TBX15: variants seen among roughly 807,000 people sequenced by gnomAD.
TBX15 encodes T-box transcription factor TBX15.
A neutral mutation model predicts 53.9 loss-of-function variants in TBX15; 18 were observed. The observed-to-expected ratio is 0.33, with a 90% CI of 0.23 to 0.49. The LOEUF (loss-of-function observed/expected upper bound fraction) is 0.49, where lower values mean the gene tolerates loss of function less well. Ranked by LOEUF, TBX15 falls within the 20% of genes least tolerant of loss-of-function variation. The probability of loss-of-function intolerance (pLI) is 0.98; values close to 1 mark genes in which losing one functional copy is unlikely to be tolerated. For synonymous variants in TBX15, 295 were observed against 278.0 expected (o/e 1.06, Z -0.61); for missense variants, 692 against 749.5 (o/e 0.92, Z 0.90).
chr1:118,893,629 A>AGG (rs1557873098), intron 7 of TBX15, among the ~76,000 whole-genome samples: 2 of 148,846 alleles, frequency 1.3e-5, no homozygotes, highest in African/African-American at 5.2e-5. Flanking sequence ...GAGAGAAAGA[A>AGG]AAAGAAAGAA....
In TBX15 at chr1:118,939,407, C is replaced by CAAAAAAAAAAAAAAAAAAAAAAAAAAAAA. The variant is rs869094141; in HGVS notation, c.206-7604_206-7576dup. ...AGGGCAACAGAATGAGATCTAGTCT[C>CAAAAAAAAAAAAAAAAAAAAAAAAAAAAA]AAAAAAAAAAAAAAAAAAAAAAAAA... is the stretch of plus-strand genomic sequence containing the variant. On this transcript the variant is annotated intron_variant, in intron 1 of 7. Coordinates refer to ENST00000369429, the MANE Select transcript of TBX15 (RefSeq NM_001330677.2). Among the ~76,000 whole-genome samples, 4 of 8,884 alleles carry CAAAAAAAAAAAAAAAAAAAAAAAAAAAAA rather than the reference C, an allele frequency of 4.5e-4. 1 individual carries two copies. Among genetic ancestry groups the CAAAAAAAAAAAAAAAAAAAAAAAAAAAAA allele is most frequent in the Non-Finnish European group, 6.2e-4 (3 of 4,838 alleles). 5.8% of individuals were successfully genotyped at this position (8,884 alleles called of 152,430 possible).
At chr1:118,959,764 G>A (rs914363096) in intron 1 of TBX15, among the ~76,000 whole-genome samples, 31 of 152,180 alleles carry the variant, frequency 2.0e-4, no homozygotes, top group African/African-American at 5.1e-4. Flanking sequence ...ATCTGACTTC[G>A]AAATCAGAAT....
At chr1:118,935,514 G>A (rs1655941358) in intron 1 of TBX15, among the ~76,000 whole-genome samples, 1 of 152,064 alleles carries the variant, frequency 6.6e-6, no homozygotes, top group African/African-American at 2.4e-5. Context: ...AGTAAATCAG[G>A]AACATAAAAT....
intron 1 of TBX15, among the ~76,000 whole-genome samples, chr1:118,977,221 A>G (rs1657463169): frequency 6.6e-6 from 1 of 152,208 alleles, no homozygotes; most frequent in Non-Finnish European, 1.5e-5. Flanking sequence ...TCATTGCACC[A>G]AATAGAAATG....
At chr1:118,964,913 T>G (rs1473450439) in intron 1 of TBX15, among the ~76,000 whole-genome samples, 1 of 152,238 alleles carries the variant, frequency 6.6e-6, no homozygotes, top group Non-Finnish European at 1.5e-5. Context: ...CACCCCCAAC[T>G]GCAAGGAAAA....
At chr1:118,926,704 T>C (rs541610380) in intron 2 of TBX15, 93 bp from the exon 3 acceptor site, 23 of 1,106,494 alleles carry the variant, frequency 2.1e-5, no homozygotes, top group African/African-American at 1.4e-4. Flanking sequence ...TTTGTTTGTT[T>C]GTTTTCTTGT....
intron 1 of TBX15, among the ~76,000 whole-genome samples, chr1:118,974,650 G>T (rs1657359432): frequency 6.6e-6 from 1 of 152,184 alleles, no homozygotes. Flanking sequence ...AAGAGTAATG[G>T]AGCACAGGGT....
At chr1:118,930,546 G>T (rs766311116) in intron 2 of TBX15, among the ~76,000 whole-genome samples, 8 of 152,150 alleles carry the variant, frequency 5.3e-5, no homozygotes, top group Non-Finnish European at 8.8e-5. Context: ...CTCCCAAGTG[G>T]CAGGGATTAC....
At chr1:118,937,036 G>T (rs1315401321) in intron 1 of TBX15, among the ~76,000 whole-genome samples, 2 of 152,196 alleles carry the variant, frequency 1.3e-5, no homozygotes, top group Non-Finnish European at 2.9e-5. Context: ...GGGGAAAATT[G>T]TTGAGGAGCT....
chr1:118,984,769 C>A (rs936149424), intron 1 of TBX15, among the ~76,000 whole-genome samples: 2 of 152,168 alleles, frequency 1.3e-5, no homozygotes, highest in African/African-American at 4.8e-5. Flanking sequence ...CCACCAGGCT[C>A]GGTGGAATTT....
rs114664057 is a variant in TBX15 at position 118,974,661 on chromosome 1, G to A, written c.205+12930C>T. On this transcript the variant is annotated intron_variant, in intron 1 of 7. Transcript: ENST00000369429. The stretch of plus-strand genomic sequence containing the variant: ...TTAGAAGAGTAATGGAGCACAGGGT[G>A]TAAGTGTTCATTGAGAAGAGAGACT... Among the ~76,000 whole-genome samples the A allele has an allele frequency of 3.4e-3, 516 of 152,328 alleles. 5 individuals carry two copies. The highest frequency in any genetic ancestry group is 5.7e-3 in the Non-Finnish European group (389 of 68,028).
intron 7 of TBX15, among the ~76,000 whole-genome samples, chr1:118,894,960 G>A (rs938649498): frequency 4.6e-5 from 7 of 152,092 alleles, no homozygotes; most frequent in African/African-American, 1.4e-4. Flanking sequence ...CCATACGTAT[G>A]GGCATTATTC....
intron 1 of TBX15, among the ~76,000 whole-genome samples, chr1:118,951,464 C>T (rs1325254203): frequency 6.6e-6 from 1 of 152,194 alleles, no homozygotes; most frequent in African/African-American, 2.4e-5. Flanking sequence ...CAATAATAGT[C>T]ATTGGCTCTG....
intron 1 of TBX15, among the ~76,000 whole-genome samples, chr1:118,940,774 A>G (rs1299435903): frequency 1.3e-5 from 2 of 151,950 alleles, no homozygotes; most frequent in Non-Finnish European, 2.9e-5. Context: ...CTTTTCTAAA[A>G]CAGTCCTAAT....
intron 5 of TBX15, among the ~76,000 whole-genome samples, chr1:118,916,401 TAAGA>T (rs1655219209): frequency 6.6e-6 from 1 of 152,062 alleles, no homozygotes; most frequent in African/African-American, 2.4e-5. Context: ...AAGCATTTCT[TAAGA>T]AAGGCACTAT....
chr1:118,906,553 G>A (rs1033299286), intron 6 of TBX15, among the ~76,000 whole-genome samples: 2 of 152,164 alleles, frequency 1.3e-5, no homozygotes, highest in African/African-American at 4.8e-5. Context: ...AAGAGAGGTG[G>A]TTCTTTATAA....
intron 1 of TBX15, among the ~76,000 whole-genome samples, chr1:118,937,703 AT>A (rs965643363): frequency 2.0e-5 from 3 of 152,356 alleles, no homozygotes; most frequent in African/African-American, 7.2e-5. Context: ...GTTTGAAACA[AT>A]TAAAGGAGAA....
At chr1:118,923,377 C>T in intron 5 of TBX15, 59 bp downstream of exon 5, 1 of 1,604,870 alleles carries the variant, frequency 6.2e-7, no homozygotes, top group Non-Finnish European at 8.5e-7. Flanking sequence ...CCTAAGGAAT[C>T]TTATGCAGAA....
chr1:118,981,173 A>G (rs533568218), intron 1 of TBX15, among the ~76,000 whole-genome samples: 7 of 152,096 alleles, frequency 4.6e-5, no homozygotes, highest in African/African-American at 7.2e-5. Context: ...GTTTATTTAC[A>G]AGTTAAATGA....
Sources: gnomAD v4.1 joint callset for allele counts (sites outside exome capture counted in the v4.1 genomes callset) on GRCh38, gnomAD v4.1.1 for gene constraint, MANE v1.5 for transcripts, NCBI Gene and HGNC (gene_info 2026-07-23, HGNC 2026-07-21) for gene names.